The following VCL variants were observed in gnomAD, a reference collection of about 807,000 sequenced individuals.
VCL encodes vinculin.
A neutral mutation model predicts 125.7 loss-of-function variants in VCL; 47 were observed. The observed-to-expected ratio is 0.37, with a 90% confidence interval of 0.30 to 0.48. VCL has a LOEUF of 0.48. Among genes scored for constraint, VCL ranks in the 20% least tolerant of loss-of-function variants. The pLI, the probability that VCL is intolerant of heterozygous loss-of-function variation, is 0.99. For synonymous variants in VCL, 458 were observed against 514.6 expected, an observed-to-expected ratio of 0.89 and a Z score of 1.49; for missense variants, 1,069 against 1,455.5, an observed-to-expected ratio of 0.73 and a Z score of 4.32.
At chr10:74,110,333 A>T (rs541457056) in intron 18 of VCL, among the ~76,000 whole-genome samples, 2 of 152,184 alleles carry the variant, frequency 1.3e-5, no homozygotes, top group Non-Finnish European at 2.9e-5. Context: ...ACAAACTTAA[A>T]AGCAGACAGC....
rs1002413326 is a variant in VCL at position 74,071,211 on chromosome 10, CT to C, written c.499+129del. 1 of 813,094 alleles carries C rather than the reference CT, an allele frequency of 1.2e-6. No homozygotes were observed. Among genetic ancestry groups the C allele is most frequent in the African/African-American group, 1.7e-5 (1 of 58,654 alleles). 50.4% of individuals were successfully genotyped at this position (813,094 alleles called of 1,614,324 possible). Reference sequence around the variant, plus strand: ...TGCATTGGGCTTTCAGGTGTCTGCTCTGTTGATGGAGATGATGCTGTGCTTT... The same window carrying C: ...TGCATTGGGCTTTCAGGTGTCTGCTCGTTGATGGAGATGATGCTGTGCTTT... On this transcript the variant is annotated intron_variant, in intron 4 of 21. Transcript: ENST00000211998. This position sits in a 1 kb window ranked among gnomAD's most constrained non-coding sequence, Gnocchi z 4.1.
chr10:74,043,061 A>C (rs1841124752), intron 1 of VCL, 22 bp from the exon 2 acceptor site: 1 of 1,605,346 alleles, frequency 6.2e-7, no homozygotes, highest in African/African-American at 1.3e-5. Context: ...TATTTGAATT[A>C]TGATTTTTTT....
intron 2 of VCL, among the ~76,000 whole-genome samples, chr10:74,067,849 T>C (rs189382596): frequency 2.0e-5 from 3 of 152,250 alleles, no homozygotes; most frequent in Admixed American, 2.0e-4. Flanking sequence ...AAATAGGGAG[T>C]TATTACTTAA....
intron 18 of VCL, among the ~76,000 whole-genome samples, chr10:74,109,571 A>ATTTTT (rs1247180485): frequency 1.6e-5 from 1 of 62,724 alleles, no homozygotes; most frequent in African/African-American, 6.5e-5. Flanking sequence ...AAATGTTTGC[A>ATTTTT]TTTTCTTTTT....
chr10:74,008,707 G>T (rs1347303468), intron 1 of VCL, among the ~76,000 whole-genome samples: 3 of 152,182 alleles, frequency 2.0e-5, no homozygotes, highest in Non-Finnish European at 2.9e-5. Context: ...CGACAGCGGG[G>T]TGTATTTTTA....
At chr10:74,024,089 A>G (rs1840725122) in intron 1 of VCL, among the ~76,000 whole-genome samples, 1 of 152,238 alleles carries the variant, frequency 6.6e-6, no homozygotes, top group African/African-American at 2.4e-5. Context: ...AGGTCTTGCC[A>G]TTTGACACAT....
chr10:74,095,817 G>T lies in VCL; in HGVS notation c.1705G>T (p.Ala569Ser). The change falls in exon 12 of 22, where the codon GCA becomes TCA. Residue 569 changes from alanine to serine, a missense_variant. By Grantham distance (99) the Ala-to-Ser change is moderately conservative. Coordinates refer to ENST00000211998, the MANE Select transcript of VCL (RefSeq NM_014000.3). ...AARGEGESPQ[A>S]RALASQLQDS... ...CAGAGGGGAAGGGGAGAGTCCTCAG[G>T]CACGAGCACTTGCATCTCAGCTCCA... 1 of 1,614,096 alleles carries T rather than the reference G, an allele frequency of 6.2e-7. No homozygotes were observed. Among genetic ancestry groups the T allele is most frequent in the East Asian group, 2.2e-5 (1 of 44,880 alleles).
At chr10:74,043,871 G>A (rs1841144923) in intron 2 of VCL, among the ~76,000 whole-genome samples, 2 of 151,882 alleles carry the variant, frequency 1.3e-5, no homozygotes, top group South Asian at 4.2e-4. Context: ...ACTTTGGGAG[G>A]CCAAGGAGGG....
intron 1 of VCL, among the ~76,000 whole-genome samples, chr10:74,002,252 A>G (rs1271547007): frequency 1.3e-5 from 2 of 152,132 alleles, no homozygotes; most frequent in African/African-American, 4.8e-5. Flanking sequence ...CAGCCTCCCT[A>G]GTAGCTGGGA....
chr10:74,007,543 T>C (rs893171474), intron 1 of VCL, among the ~76,000 whole-genome samples: 2 of 152,222 alleles, frequency 1.3e-5, no homozygotes, highest in Non-Finnish European at 2.9e-5. Flanking sequence ...TTGCTCAGGC[T>C]GCAGTGCAGT....
At chr10:74,002,190 A>C (rs532523695) in intron 1 of VCL, among the ~76,000 whole-genome samples, 1 of 152,148 alleles carries the variant, frequency 6.6e-6, no homozygotes, top group Non-Finnish European at 1.5e-5. Context: ...CAGTGGCATG[A>C]TCTTGGCTCA....
intron 2 of VCL, among the ~76,000 whole-genome samples, chr10:74,059,901 C>T (rs1351247508): frequency 2.0e-5 from 3 of 152,166 alleles, no homozygotes; most frequent in African/African-American, 4.8e-5. Context: ...CAGTGGCTCA[C>T]GCCTGTAATT....
Position 74,090,014 on chromosome 10 carries a change from T to A in VCL, c.1177-9T>A. 1 of 1,614,178 alleles carries A rather than the reference T, an allele frequency of 6.2e-7. No homozygotes were observed. Among genetic ancestry groups the A allele is most frequent in the Non-Finnish European group, 8.5e-7 (1 of 1,180,028 alleles). On this transcript the variant is annotated splice_polypyrimidine_tract_variant and intron_variant, in intron 9 of 21. Transcript: ENST00000211998. Reference sequence around the variant, plus strand: ...TCACAGCGTGCTGCTTCTCCGTTTCTATGTGTAGAACTGGCTTGCAGATCC... The same window carrying A: ...TCACAGCGTGCTGCTTCTCCGTTTCAATGTGTAGAACTGGCTTGCAGATCC...
At chr10:74,083,613 G>A in intron 8 of VCL, 100 bp downstream of exon 8, 1 of 1,425,498 alleles carries the variant, frequency 7.0e-7, no homozygotes, top group Non-Finnish European at 9.7e-7. Flanking sequence ...TATCTCTTTG[G>A]CTAGTAGATA....
At chr10:73,998,406 G>A (rs1192273717) in intron 1 of VCL, 31 bp downstream of exon 1, 16 of 1,410,854 alleles carry the variant, frequency 1.1e-5, no homozygotes, top group African/African-American at 1.5e-5. Flanking sequence ...GCGGGAGCGG[G>A]CGCGGGAGGT....
At chr10:74,079,094 G>A (rs531980251) in intron 6 of VCL, among the ~76,000 whole-genome samples, 2 of 152,284 alleles carry the variant, frequency 1.3e-5, no homozygotes, top group East Asian at 3.9e-4. Flanking sequence ...GAGTGTTTCA[G>A]TTCCTAGGAA....
chr10:74,094,337 G>A lies in VCL; in HGVS notation c.1419G>A (p.Leu473=), dbSNP rs1298946381. The A allele has an allele frequency of 1.9e-6, 3 of 1,614,072 alleles. No homozygotes were observed. The highest frequency in any genetic ancestry group is 2.2e-5 in the South Asian group (2 of 91,082). Residue 473 remains leucine (L), a synonymous_variant, in exon 11 of 22, where the codon CTG becomes CTA. Coordinates refer to ENST00000211998, the MANE Select transcript of VCL (RefSeq NM_014000.3). ...AKQVATALQN[L]QTKTNRAVAN... ...AGGTGGCCACGGCCCTGCAGAACCT[G>A]CAGACCAAAACCAACCGGGCTGTGG...
chr10:74,067,495 C>G (rs1297106811), intron 2 of VCL, among the ~76,000 whole-genome samples: 1 of 152,014 alleles, frequency 6.6e-6, no homozygotes, highest in African/African-American at 2.4e-5. Flanking sequence ...CATGGAATTA[C>G]TATATAAACT....
Position 74,108,854 on chromosome 10 carries a change from G to A in VCL, c.2560-117G>A, listed in dbSNP as rs529351594. 3 of 1,118,558 alleles carry A rather than the reference G, an allele frequency of 2.7e-6. No individual in the cohort carries two copies. The South Asian group carries it at 3.8e-5, about 14-fold the overall frequency. The allele number at this position is 1,118,558 out of a possible 1,614,324, so 69.3% of individuals were successfully genotyped here. ...TGGTCCTTGTGGCTCAGTGTGGGTG[G>A]TCTTATGTGGAGTCAATATGGGTGG... is the stretch of plus-strand genomic sequence containing the variant. On this transcript the variant is annotated intron_variant, in intron 17 of 21. Transcript: ENST00000211998.
Sources: gnomAD v4.1 joint callset for allele counts (sites outside exome capture counted in the v4.1 genomes callset) on GRCh38, gnomAD v4.1.1 for gene constraint, Gnocchi (gnomAD v3.1) non-coding constraint, MANE v1.5 for transcripts, NCBI Gene and HGNC (gene_info 2026-07-23, HGNC 2026-07-21) for gene names.